The following TENM3 variants were observed in gnomAD, a reference collection of about 807,000 sequenced individuals.
TENM3 encodes the protein teneurin-3.
TENM3 carries 63 observed loss-of-function variants against 255.1 expected under a neutral mutation model. That is an observed-to-expected ratio of 0.25 (90% CI 0.20 to 0.30). The LOEUF is 0.30. Among genes scored for constraint, TENM3 ranks in the 10% least tolerant of loss-of-function variants. The pLI, the probability that TENM3 is intolerant of heterozygous loss-of-function variation, is 1.00. For synonymous variants in TENM3, 1,306 were observed against 1,322.3 expected, an observed-to-expected ratio of 0.99 and a Z score of 0.27; for missense variants, 2,929 against 3,461.1, an observed-to-expected ratio of 0.85 and a Z score of 3.86.
chr4:182,448,389 C>G (rs551842513), intron 3 of TENM3, among the ~76,000 whole-genome samples: 1 of 152,242 alleles, frequency 6.6e-6, no homozygotes, highest in East Asian at 1.9e-4. Context: ...CTCCCGCCCC[C>G]GAGGTACCGC....
At chr4:181,572,664 A>G in the TENM3 span, among the ~76,000 whole-genome samples, 1 of 152,218 alleles carries the variant, frequency 6.6e-6, no homozygotes, top group Non-Finnish European at 1.5e-5. Flanking sequence ...CTACAGGCAT[A>G]CAATGCATAA....
At chr4:182,694,453 G>A (rs1470673338) in intron 12 of TENM3, among the ~76,000 whole-genome samples, 1 of 152,142 alleles carries the variant, frequency 6.6e-6, no homozygotes, top group Non-Finnish European at 1.5e-5. Context: ...AAAGAAAGGT[G>A]GAGGATATTG....
In TENM3 at chr4:182,792,902, A is replaced by T. The variant is rs1256876099; in HGVS notation, c.6230A>T (p.Tyr2077Phe). Residue 2077 changes from tyrosine (Y) to phenylalanine (F), a missense_variant, in exon 26 of 28, where the codon TAT (tyrosine) becomes TTT (phenylalanine). By Grantham distance (22) the Tyr-to-Phe change is conservative. Coordinates refer to ENST00000511685, the MANE Select transcript of TENM3 (RefSeq NM_001080477.4). This position sits in a 1 kb window ranked among gnomAD's most constrained non-coding sequence, Gnocchi z 6.3. ...ATCATTTCTACAGCTGTAATGACCT[A>T]TACGAAGCACTTTGATGCTCATGGC... ...NQIISTAVMTYTKHFDAHGRI... is the reference protein window; with the variant it reads ...NQIISTAVMTFTKHFDAHGRI... The T allele has an allele frequency of 2.5e-6, 4 of 1,613,974 alleles. No individual in the cohort carries two copies. The South Asian group carries it at 3.3e-5, about 13-fold the overall frequency.
the TENM3 span, among the ~76,000 whole-genome samples, chr4:182,097,169 C>T: frequency 1.3e-5 from 2 of 152,156 alleles, no homozygotes; most frequent in East Asian, 3.9e-4. Flanking sequence ...ATTTATTAAG[C>T]CATGCAAGTG....
the TENM3 span, among the ~76,000 whole-genome samples, chr4:181,809,581 C>T: frequency 6.6e-6 from 1 of 152,144 alleles, no homozygotes; most frequent in Non-Finnish European, 1.5e-5. Context: ...AAGAAAAGAT[C>T]TTATTTTACC....
At chr4:181,775,146 T>TC in the TENM3 span, among the ~76,000 whole-genome samples, 6 of 152,018 alleles carry the variant, frequency 3.9e-5, no homozygotes, top group Non-Finnish European at 7.4e-5. Flanking sequence ...GAGTCCTGAC[T>TC]CCCCCCATAC....
intron 1 of TENM3, among the ~76,000 whole-genome samples, chr4:182,261,065 G>A (rs1255736302): frequency 6.6e-6 from 1 of 151,570 alleles, no homozygotes; most frequent in Non-Finnish European, 1.5e-5. Context: ...TAATAGAGAC[G>A]GGGTTTCACC....
chr4:181,589,101 G>A, the TENM3 span, among the ~76,000 whole-genome samples: 2 of 152,092 alleles, frequency 1.3e-5, no homozygotes, highest in East Asian at 1.9e-4. Context: ...TGAAATTACC[G>A]ACTCTAGAAC....
chr4:182,435,722 T>C (rs1049443512), intron 3 of TENM3, among the ~76,000 whole-genome samples: 1 of 152,194 alleles, frequency 6.6e-6, no homozygotes, highest in Non-Finnish European at 1.5e-5. Flanking sequence ...CAAGAATTAA[T>C]TTAAGAATTT....
chr4:182,456,140 A>G (rs1773859300), intron 3 of TENM3, among the ~76,000 whole-genome samples: 1 of 152,222 alleles, frequency 6.6e-6, no homozygotes. Context: ...GAAGGTCATT[A>G]CAAACATCAG....
chr4:182,673,177 T>C lies in TENM3; in HGVS notation c.1284T>C (p.Ile428=), dbSNP rs762667041. ...TCTCTCTTCAGAAGGATGCATTGATTGGAGTATATGGCCGGAAAGGCTTAC... is the reference window on the plus strand; with the variant it reads ...TCTCTCTTCAGAAGGATGCATTGATCGGAGTATATGGCCGGAAAGGCTTAC... ...FNISLQKDAL[I]GVYGRKGLPP... The change falls in exon 7 of 28, where the codon ATT becomes ATC. Residue 428 remains isoleucine (I), a synonymous_variant. Coordinates refer to ENST00000511685, the MANE Select transcript of TENM3 (RefSeq NM_001080477.4). The C allele has an allele frequency of 6.2e-7, 1 of 1,613,836 alleles. No homozygotes were observed. Among genetic ancestry groups the C allele is most frequent in the Non-Finnish European group, 8.5e-7 (1 of 1,179,772 alleles).
At chr4:181,877,767 GA>G in the TENM3 span, among the ~76,000 whole-genome samples, 1 of 152,124 alleles carries the variant, frequency 6.6e-6, no homozygotes, top group Non-Finnish European at 1.5e-5. Context: ...GCCCTTCCTT[GA>G]AGGCCTTAAG....
intron 3 of TENM3, among the ~76,000 whole-genome samples, chr4:182,486,357 G>T (rs1457298): frequency 0.47 from 69,092 of 147,390 alleles, 17,724 homozygotes; most frequent in East Asian, 0.74. Flanking sequence ...TGGGAAATAT[G>T]AGCTACTATA....
chr4:182,339,977 GC>G (rs1764383818), intron 2 of TENM3, among the ~76,000 whole-genome samples: 1 of 151,282 alleles, frequency 6.6e-6, no homozygotes, highest in South Asian at 2.1e-4. Flanking sequence ...TTTTATGGTT[GC>G]CCCATTAAAT....
chr4:181,803,701 A>T, the TENM3 span, among the ~76,000 whole-genome samples: 1 of 152,042 alleles, frequency 6.6e-6, no homozygotes, highest in African/African-American at 2.4e-5. Context: ...ACCATGGCTC[A>T]TGCCTTTAAT....
chr4:182,371,312 T>A (rs7660154), intron 3 of TENM3, among the ~76,000 whole-genome samples: 1 of 151,696 alleles, frequency 6.6e-6, no homozygotes, highest in African/African-American at 2.4e-5. Flanking sequence ...AGCATCTTTT[T>A]GCCTTTTTAA....
rs529814418 is a variant in TENM3 at position 182,147,655 on chromosome 4, C to T, written c.-76+2901C>T. 3.9e-5 allele frequency among the ~76,000 whole-genome samples: 6 copies of T among 152,172 alleles called. No individual in the cohort carries two copies. The East Asian group carries it at 1.2e-3, about 29-fold the overall frequency. ...GTGTTTCGTTTGATAGTCAGATATC[C>T]GTTTGGACTTCGAGGGCATACTTTT... On this transcript the variant is annotated intron_variant, in intron 1 of 2. Coordinates refer to the TENM3 transcript ENST00000512480.
intron 19 of TENM3, chr4:182,744,093 C>CTTTTTTTTTTTT (rs957977132): frequency 1.2e-4 from 56 of 451,880 alleles, no homozygotes; most frequent in African/African-American, 4.3e-4. Context: ...ACTGTGCTTT[C>CTTTTTTTTTTTT]TTTTTTTTTT....
chr4:181,957,301 C>A, the TENM3 span, among the ~76,000 whole-genome samples: 1 of 152,172 alleles, frequency 6.6e-6, no homozygotes, highest in African/African-American at 2.4e-5. Context: ...CAGCATCACA[C>A]ACAGAAGTTA....
Sources: gnomAD v4.1 joint callset for allele counts (sites outside exome capture counted in the v4.1 genomes callset) on GRCh38, gnomAD v4.1.1 for gene constraint, Gnocchi (gnomAD v3.1) non-coding constraint, MANE v1.5 for transcripts, NCBI Gene and HGNC (gene_info 2026-07-23, HGNC 2026-07-21) for gene names.